The following ABCB5 variants were observed in gnomAD, a reference collection of about 807,000 sequenced individuals.
ABCB5 encodes the protein ATP binding cassette subfamily B member 5, also known as ATP-binding cassette sub-family B member 5.
In ABCB5, 155 loss-of-function variants were observed where a neutral mutation model predicts 144.2. The ratio of observed to expected loss-of-function variants is 1.08; its 90% CI spans 0.94 to 1.23. The LOEUF (loss-of-function observed/expected upper bound fraction) is 1.23. Ranked by LOEUF, ABCB5 falls within the 50% of genes most tolerant of loss-of-function variation. The probability of loss-of-function intolerance (pLI) is 0.00; values close to 1 mark genes in which losing one functional copy is unlikely to be tolerated. For synonymous variants in ABCB5, 610 were observed against 528.6 expected (o/e 1.15, Z -2.11); for missense variants, 1,830 against 1,520.8 (o/e 1.20, Z -3.38).
chr7:20,715,563 T>C (rs1781646808), intron 20 of ABCB5, among the ~76,000 whole-genome samples: 2 of 151,758 alleles, frequency 1.3e-5, no homozygotes, highest in South Asian at 2.1e-4. Flanking sequence ...TGCACGCCAC[T>C]GTGCCTGGCT....
chr7:20,656,609 G>A (rs1297392946), intron 13 of ABCB5, among the ~76,000 whole-genome samples: 1 of 152,104 alleles, frequency 6.6e-6, no homozygotes, highest in Non-Finnish European at 1.5e-5. Flanking sequence ...ACTAACAAAT[G>A]TAACTTTTGG....
intron 26 of ABCB5, among the ~76,000 whole-genome samples, chr7:20,751,338 G>A (rs1431725203): frequency 1.3e-5 from 2 of 152,200 alleles, no homozygotes; most frequent in East Asian, 1.9e-4. Flanking sequence ...CAGGCGTGGT[G>A]GCGGGCGCCT....
chr7:20,748,735 T>G (rs1006272609), intron 26 of ABCB5, among the ~76,000 whole-genome samples: 1 of 150,338 alleles, frequency 6.7e-6, no homozygotes, highest in Non-Finnish European at 1.5e-5. Context: ...TCCAAATACA[T>G]GGCCACAGTG....
intron 13 of ABCB5, among the ~76,000 whole-genome samples, chr7:20,655,022 C>G (rs79760827): frequency 0.17 from 25,613 of 146,976 alleles, 2,471 homozygotes; most frequent in African/African-American, 0.27. Context: ...ATTACTGAAA[C>G]CAAAAGCTGG....
chr7:20,714,313 C>T (rs1032005143), intron 20 of ABCB5, among the ~76,000 whole-genome samples: 22 of 151,966 alleles, frequency 1.4e-4, no homozygotes, highest in African/African-American at 4.8e-4. Context: ...AATAACTTAT[C>T]TCAAGAATTA....
intron 14 of ABCB5, among the ~76,000 whole-genome samples, chr7:20,679,485 A>AAAAAAAGAG (rs1396302002): frequency 6.8e-6 from 1 of 147,456 alleles, no homozygotes; most frequent in African/African-American, 2.6e-5. Flanking sequence ...AAAAAAAAAA[A>AAAAAAAGAG]AGAGAGAGAG....
chr7:20,626,973 A>G (rs1783923533), intron 3 of ABCB5, among the ~76,000 whole-genome samples: 1 of 151,486 alleles, frequency 6.6e-6, no homozygotes, highest in Non-Finnish European at 1.5e-5. Context: ...TTTACATTTC[A>G]GTATATTCCA....
intron 26 of ABCB5, among the ~76,000 whole-genome samples, chr7:20,752,792 G>A (rs1316507716): frequency 6.6e-6 from 1 of 152,176 alleles, no homozygotes; most frequent in African/African-American, 2.4e-5. Flanking sequence ...GTTGCAGTGA[G>A]CCAAGATTGC....
At chr7:20,744,148 C>T (rs1043765980) in intron 25 of ABCB5, among the ~76,000 whole-genome samples, 17 of 152,002 alleles carry the variant, frequency 1.1e-4, no homozygotes, top group Admixed American at 8.5e-4. Flanking sequence ...CACTGCAACC[C>T]CCGCCTCTAG....
chr7:20,618,240 CT>C (rs1783730081), intron 1 of ABCB5, among the ~76,000 whole-genome samples: 1 of 152,100 alleles, frequency 6.6e-6, no homozygotes, highest in East Asian at 1.9e-4. Flanking sequence ...TACTAACTTA[CT>C]TTTTTCTCTA....
intron 16 of ABCB5, among the ~76,000 whole-genome samples, chr7:20,692,024 A>T (rs1786247144): frequency 6.6e-6 from 1 of 152,182 alleles, no homozygotes; most frequent in South Asian, 2.1e-4. Flanking sequence ...CATTTATTAT[A>T]TCTATATTCC....
In ABCB5 at chr7:20,739,014, G is replaced by T. The variant is rs772375160; in HGVS notation, c.2899G>T (p.Ala967Ser). The T allele has an allele frequency of 1.2e-6, 2 of 1,611,802 alleles. No homozygotes were observed. Among genetic ancestry groups the T allele is most frequent in the Admixed American group, 1.7e-5 (1 of 59,672 alleles). The change falls in exon 24 of 28, where the codon GCC (alanine) becomes TCC (serine). Residue 967 changes from alanine to serine, a missense_variant. By Grantham distance (99) the Ala-to-Ser change is moderately conservative (BLOSUM62 1). Coordinates refer to ENST00000404938, the MANE Select transcript of ABCB5 (RefSeq NM_001163941.2). ...TACTGCAATTGCATATGGAGCTATG[G>T]CCATCGGAGAAACGCTCGTTTTGGC... ...VFTAIAYGAMAIGETLVLAPE... is the reference protein window; with the variant it reads ...VFTAIAYGAMSIGETLVLAPE...
rs534768118 is a variant in ABCB5 at position 20,685,696 on chromosome 7, G to A, written c.1870G>A (p.Asp624Asn). Reference sequence around the variant, plus strand: ...ATAACCTATATATTCTTCCTGTAAGGATATTAAAAAAGCTGATGAACAGAT... The same window carrying A: ...ATAACCTATATATTCTTCCTGTAAGAATATTAAAAAAGCTGATGAACAGAT... ...GLYYSLVMSQ[D>N]IKKADEQMES... Residue 624 changes from aspartate (D) to asparagine (N), a missense_variant and splice_region_variant, in exon 16 of 28, where the codon GAT (aspartate) becomes AAT (asparagine). By Grantham distance (23) the Asp-to-Asn change is conservative (BLOSUM62 1). Transcript: ENST00000404938. 1 of 1,599,304 alleles carries A rather than the reference G, an allele frequency of 6.3e-7. No homozygotes were observed. The highest frequency in any genetic ancestry group is 1.4e-5 in the African/African-American group (1 of 74,028).
intron 1 of ABCB5, among the ~76,000 whole-genome samples, chr7:20,617,635 A>T (rs1487581993): frequency 6.6e-6 from 1 of 152,228 alleles, no homozygotes; most frequent in African/African-American, 2.4e-5. Flanking sequence ...TGCAGATTCT[A>T]TTCAGAAGTT....
chr7:20,640,287 G>C (rs554948101), intron 5 of ABCB5, among the ~76,000 whole-genome samples: 3 of 152,246 alleles, frequency 2.0e-5, no homozygotes, highest in East Asian at 1.9e-4. Context: ...ACAGTGTTAG[G>C]ATCCTGTGAA....
At chr7:20,646,448 T>C (rs1412131595) in intron 9 of ABCB5, among the ~76,000 whole-genome samples, 1 of 152,198 alleles carries the variant, frequency 6.6e-6, no homozygotes, top group Non-Finnish European at 1.5e-5. Flanking sequence ...GGCCATTCTC[T>C]TGTGAGACTT....
At chr7:20,669,842 G>A (rs748847537) in intron 14 of ABCB5, among the ~76,000 whole-genome samples, 19 of 149,692 alleles carry the variant, frequency 1.3e-4, no homozygotes, top group Admixed American at 3.3e-4. Flanking sequence ...TTGCCTTCGC[G>A]GTTGTCAGGT....
At chr7:20,702,062 T>C (rs1405679440) in intron 19 of ABCB5, among the ~76,000 whole-genome samples, 4 of 152,172 alleles carry the variant, frequency 2.6e-5, no homozygotes, top group African/African-American at 9.7e-5. Context: ...GAAACTTCAT[T>C]TGAGGTAGAG....
At chr7:20,617,211 C>G (rs1447501669) in intron 1 of ABCB5, among the ~76,000 whole-genome samples, 2 of 152,052 alleles carry the variant, frequency 1.3e-5, no homozygotes, top group Non-Finnish European at 2.9e-5. Context: ...TAAAACAGTA[C>G]CTGGCACAGT....
Sources: gnomAD v4.1 joint callset for allele counts (sites outside exome capture counted in the v4.1 genomes callset) on GRCh38, gnomAD v4.1.1 for gene constraint, MANE v1.5 for transcripts, NCBI Gene and HGNC (gene_info 2026-07-23, HGNC 2026-07-21) for gene names.